DAP3: variants seen among roughly 807,000 people sequenced by gnomAD.
DAP3 encodes the protein small ribosomal subunit protein mS29.
DAP3 carries 28 observed loss-of-function variants against 51.9 expected under a neutral mutation model. That is an observed-to-expected ratio of 0.54 (90% confidence interval 0.40 to 0.74). DAP3 has a LOEUF of 0.74. Among genes scored for constraint, DAP3 ranks in the 30% least tolerant of loss-of-function variants. DAP3 has a pLI of 0.00. For missense variants in DAP3, 458 were observed against 483.5 expected (o/e 0.95, Z 0.49); for synonymous variants, 170 against 170.3 (o/e 1.00, Z 0.01).
upstream of DAP3, chr1:155,688,120 G>A (rs1056944972): frequency 1.2e-6 from 2 of 1,611,426 alleles, no homozygotes; most frequent in African/African-American, 1.3e-5. Flanking sequence ...AGGAAGAGGG[G>A]GTGGCCGCCA....
chr1:155,738,743 G>A lies in DAP3; in HGVS notation c.*501G>A, dbSNP rs371954846. ...TCCCAGCACTTTGGAAGCCCAAGGC[G>A]GGCAGACTGCTTGAGTTCAGGAGTT... On this transcript the variant is annotated 3_prime_UTR_variant, in exon 13 of 13. Coordinates refer to ENST00000368336, the MANE Select transcript of DAP3 (RefSeq NM_004632.4). 436 of 152,630 alleles carry A rather than the reference G, an allele frequency of 2.9e-3. 23 individuals are homozygous for A. The South Asian group carries it at 0.087, about 30-fold the overall frequency. 9.5% of individuals were successfully genotyped at this position (152,630 alleles called of 1,614,324 possible).
At position 155,738,057 on chromosome 1, in the gene DAP3, A is replaced by G. The variant is rs1348550241; in HGVS notation, c.1112-100A>G. ...TCTTGGGAGATGATAATTACCTCAG[A>G]ACGTAATTTGGATATGGTAGCCTCT... On this transcript the variant is annotated intron_variant, in intron 12 of 12. Transcript: ENST00000368336. 9 of 1,106,788 alleles carry G rather than the reference A, an allele frequency of 8.1e-6. No individual in the cohort carries two copies. In the African/African-American group the frequency reaches 1.2e-4, roughly 15 times the overall value. 68.6% of individuals were successfully genotyped at this position (1,106,788 alleles called of 1,614,324 possible). A position where few individuals can be genotyped will look rare whatever the true frequency, so the allele number is the denominator to read the frequency against.
chr1:155,688,184 G>T (rs753340200), upstream of DAP3: 1 of 1,614,026 alleles, frequency 6.2e-7, no homozygotes, highest in Non-Finnish European at 8.5e-7. Context: ...GTCAGGAGGC[G>T]GCCAGCGGGT....
At chr1:155,724,167 A>G (rs1359328539) in intron 4 of DAP3, among the ~76,000 whole-genome samples, 1 of 152,180 alleles carries the variant, frequency 6.6e-6, no homozygotes, top group Admixed American at 6.5e-5. Flanking sequence ...AGTACTTCCC[A>G]AATTTCCCAC....
At chr1:155,733,151 G>C (rs1327291958) in intron 11 of DAP3, among the ~76,000 whole-genome samples, 2 of 152,128 alleles carry the variant, frequency 1.3e-5, no homozygotes. Flanking sequence ...TCACTTTTTG[G>C]GGTTGTCTGA....
Position 155,738,202 on chromosome 1 carries a change from C to T in DAP3, c.1157C>T (p.Ala386Val), listed in dbSNP as rs762562887. The T allele has an allele frequency of 2.7e-5, 43 of 1,614,110 alleles. No individual in the cohort carries two copies. Among genetic ancestry groups the T allele is most frequent in the Non-Finnish European group, 3.1e-5 (37 of 1,180,046 alleles). The change falls in exon 13 of 13, where the codon GCG becomes GTG. Residue 386 changes from alanine (A) to valine (V), a missense_variant. Transcript: ENST00000368336. Reference sequence around the variant, plus strand: ...AAAGAGCTGCTGTTCCTAAGTAACGCGAACCCCTCGCTGCTGGAGCGGCAC... The same window carrying T: ...AAAGAGCTGCTGTTCCTAAGTAACGTGAACCCCTCGCTGCTGGAGCGGCAC... ...GKKELLFLSN[A>V]NPSLLERHCA... is the part of the protein sequence containing the mutation.
chr1:155,706,797 A>G (rs1488749617), intron 1 of DAP3, among the ~76,000 whole-genome samples: 1 of 151,506 alleles, frequency 6.6e-6, no homozygotes, highest in Non-Finnish European at 1.5e-5. Flanking sequence ...AAAGGTGAAA[A>G]TGATAGCCAA....
At chr1:155,721,451 TAAGAC>T in intron 3 of DAP3, 61 bp from the exon 4 acceptor site, 5 of 1,398,398 alleles carry the variant, frequency 3.6e-6, no homozygotes, top group East Asian at 2.3e-5. Context: ...CACACATAGA[TAAGAC>T]AAAAAAGAAA....
In DAP3 at chr1:155,693,718, T is replaced by C. The variant is rs991850874; in HGVS notation, c.-8+4544T>C. Among the ~76,000 whole-genome samples the C allele has an allele frequency of 4.2e-5, 6 of 141,702 alleles. No homozygotes were observed. In the East Asian group the frequency reaches 1.2e-3, roughly 27 times the overall value. 93.0% of individuals were successfully genotyped at this position (141,702 alleles called of 152,430 possible). ...GGCTCACGCCTGTAATCCCAGCACTTTGGGAGGCCGAGGCCGGCAGATCAC... is the reference window on the plus strand; with the variant it reads ...GGCTCACGCCTGTAATCCCAGCACTCTGGGAGGCCGAGGCCGGCAGATCAC... On this transcript the variant is annotated intron_variant, in intron 1 of 12. Transcript: ENST00000368336.
In DAP3 at chr1:155,729,120, C is replaced by G; in HGVS notation, c.682C>G (p.Gln228Glu). 6.2e-7 allele frequency: 1 copy of G among 1,614,054 alleles called. No individual in the cohort carries two copies. Among genetic ancestry groups the G allele is most frequent in the South Asian group, 1.1e-5 (1 of 91,084 alleles). Residue 228 changes from glutamine to glutamate, a missense_variant and splice_region_variant, in exon 8 of 13, where the codon CAG (glutamine) becomes GAG (glutamate). Gln to Glu is a conservative substitution (Grantham distance 29). Coordinates refer to ENST00000368336, the MANE Select transcript of DAP3 (RefSeq NM_004632.4). ...GAGTCCTCTGGGAGAAGTGGTTGAA[C>G]AGGTATAAGAAAAAACACTGAATGT... ...KGSPLGEVVE[Q>E]GITRVRNATD...
intron 5 of DAP3, 58 bp downstream of exon 5, chr1:155,725,548 G>C (rs1023885817): frequency 4.7e-6 from 7 of 1,479,044 alleles, no homozygotes; most frequent in Non-Finnish European, 6.6e-6. Context: ...CCTCAAATAA[G>C]GCAACAGAAG....
chr1:155,722,757 C>A (rs1658151174), intron 4 of DAP3, among the ~76,000 whole-genome samples: 1 of 152,124 alleles, frequency 6.6e-6, no homozygotes, highest in South Asian at 2.1e-4. Flanking sequence ...ACGATAGTGC[C>A]ACGGCACTCC....
intron 1 of DAP3, among the ~76,000 whole-genome samples, chr1:155,698,406 C>T (rs1054676947): frequency 6.6e-6 from 1 of 152,182 alleles, no homozygotes; most frequent in African/African-American, 2.4e-5. Context: ...GTTCTTCTGC[C>T]ATGGCTTCAG....
upstream of DAP3, chr1:155,689,051 G>A: frequency 1.3e-6 from 2 of 1,548,330 alleles, no homozygotes; most frequent in Non-Finnish European, 1.7e-6. Context: ...CGGCGGCTGC[G>A]CGTTGAGTCG....
chr1:155,729,137 A>G lies in DAP3; in HGVS notation c.684+15A>G, dbSNP rs1658930193. The G allele has an allele frequency of 6.2e-7, 1 of 1,614,078 alleles. No individual in the cohort carries two copies. Among genetic ancestry groups the G allele is most frequent in the Non-Finnish European group, 8.5e-7 (1 of 1,180,044 alleles). Reference sequence around the variant, plus strand: ...TGGTTGAACAGGTATAAGAAAAAACACTGAATGTGTAACATGCGATAACAA... The same window carrying G: ...TGGTTGAACAGGTATAAGAAAAAACGCTGAATGTGTAACATGCGATAACAA... On this transcript the variant is annotated intron_variant, in intron 8 of 12. Coordinates refer to ENST00000368336, the MANE Select transcript of DAP3 (RefSeq NM_004632.4).
In DAP3 at chr1:155,729,227, A is replaced by G. The variant is rs867839385; in HGVS notation, c.704A>G (p.Asn235Ser). The G allele has an allele frequency of 1.2e-6, 2 of 1,614,220 alleles. No homozygotes were observed. The highest frequency in any genetic ancestry group is 1.7e-5 in the Admixed American group (1 of 60,010). The change falls in exon 9 of 13, where the codon AAC becomes AGC. Residue 235 changes from asparagine to serine, a missense_variant. Transcript: ENST00000368336. ...VVEQGITRVRNATDAVGIVLK... is the reference protein window; with the variant it reads ...VVEQGITRVRSATDAVGIVLK... ...CAATAGGGCATAACACGGGTGAGGA[A>G]CGCCACAGATGCAGTTGGAATTGTG... is the stretch of plus-strand genomic sequence containing the variant.
At chr1:155,737,984 A>C (rs1056657624) in intron 12 of DAP3, among the ~76,000 whole-genome samples, 173 bp from the exon 13 acceptor site, 1 of 152,218 alleles carries the variant, frequency 6.6e-6, no homozygotes. Flanking sequence ...GAAGTAATGC[A>C]TACAAAAGAA....
At chr1:155,696,850 G>A (rs1312525364) in intron 1 of DAP3, among the ~76,000 whole-genome samples, 1 of 152,162 alleles carries the variant, frequency 6.6e-6, no homozygotes, top group Non-Finnish European at 1.5e-5. Context: ...TTCAAAATCT[G>A]TCTCTGCCAA....
In DAP3 at chr1:155,738,389, C is replaced by A; in HGVS notation, c.*147C>A. The A allele has an allele frequency of 3.0e-6, 2 of 663,876 alleles. No homozygotes were observed. The highest frequency in any genetic ancestry group is 3.2e-5 in the Admixed American group (1 of 31,152). 41.1% of individuals were successfully genotyped at this position (663,876 alleles called of 1,614,324 possible). A position where few individuals can be genotyped will look rare whatever the true frequency, so the allele number is the denominator to read the frequency against. On this transcript the variant is annotated 3_prime_UTR_variant, in exon 13 of 13. Transcript: ENST00000368336. ...AGGACTGCAGTTGGCTCTGGACCTG[C>A]ATTAAAATGGGTTTCACTGTGAATG... is the stretch of plus-strand genomic sequence containing the variant.
Sources: gnomAD v4.1 joint callset for allele counts (sites outside exome capture counted in the v4.1 genomes callset) on GRCh38, gnomAD v4.1.1 for gene constraint, MANE v1.5 for transcripts, NCBI Gene and HGNC (gene_info 2026-07-23, HGNC 2026-07-21) for gene names.